SCN3A: variants seen among roughly 807,000 people sequenced by gnomAD.
The protein encoded by SCN3A is sodium voltage-gated channel alpha subunit 3.
A neutral mutation model predicts 187.6 loss-of-function variants in SCN3A; 60 were observed. The ratio of observed to expected loss-of-function variants is 0.32; its 90% CI spans 0.26 to 0.40. The LOEUF (loss-of-function observed/expected upper bound fraction) is 0.40, where lower values mean the gene tolerates loss of function less well. SCN3A is among the 10% of genes least tolerant of loss of function. SCN3A has a pLI of 1.00. For synonymous variants in SCN3A, 788 were observed against 829.2 expected (o/e 0.95, Z 0.85); for missense variants, 1,601 against 2,428.2 (o/e 0.66, Z 7.16).
At chr2:165,186,292 A>AACAAC (rs1290655354) in intron 2 of SCN3A, among the ~76,000 whole-genome samples, 1 of 146,300 alleles carries the variant, frequency 6.8e-6, no homozygotes, top group African/African-American at 2.5e-5. Flanking sequence ...ACAACAACAA[A>AACAAC]AAAACAAAAA....
chr2:165,170,397 A>G, intron 4 of SCN3A, 33 bp downstream of exon 4: 5 of 1,200,152 alleles, frequency 4.2e-6, no homozygotes, highest in Non-Finnish European at 6.2e-6. Context: ...ACTGTTAGAA[A>G]TAGCATTTAG....
chr2:165,178,323 C>G (rs932610470), intron 2 of SCN3A, among the ~76,000 whole-genome samples: 5 of 152,038 alleles, frequency 3.3e-5, no homozygotes, highest in Non-Finnish European at 5.9e-5. Context: ...AACTCCCGGG[C>G]TCAGGTGATC....
intron 19 of SCN3A, 131 bp downstream of exon 19, chr2:165,115,324 C>T: frequency 1.8e-6 from 2 of 1,101,718 alleles, no homozygotes. Context: ...ACCGTAGCCT[C>T]CCAAAATTTT....
chr2:165,095,936 T>C (rs1420769447), intron 24 of SCN3A, among the ~76,000 whole-genome samples: 2 of 152,198 alleles, frequency 1.3e-5, no homozygotes, highest in African/African-American at 4.8e-5. Context: ...CTATTATTAG[T>C]CATAATTTTT....
intron 14 of SCN3A, among the ~76,000 whole-genome samples, chr2:165,139,207 G>C (rs1687849226): frequency 6.6e-6 from 1 of 152,090 alleles, no homozygotes; most frequent in Non-Finnish European, 1.5e-5. Context: ...TTGCATATGA[G>C]TAACATAACA....
In SCN3A at chr2:165,092,186, T is replaced by C; in HGVS notation, c.4807+68A>G. On this transcript the variant is annotated intron_variant, in intron 27 of 27. Coordinates refer to ENST00000283254, the MANE Select transcript of SCN3A (RefSeq NM_006922.4). The surrounding 1 kb of genome is among the most constrained non-coding windows in gnomAD (Gnocchi z 4.2). Reference sequence around the variant, plus strand: ...TTCTCAGACCTAATTTCCATGTTAATCAGCTAGAAGGTCCTGGGGCAACTG... The same window carrying C: ...TTCTCAGACCTAATTTCCATGTTAACCAGCTAGAAGGTCCTGGGGCAACTG... 1 of 1,444,750 alleles carries C rather than the reference T, an allele frequency of 6.9e-7. No homozygotes were observed. Among genetic ancestry groups the C allele is most frequent in the Admixed American group, 1.7e-5 (1 of 59,736 alleles). The allele number at this position is 1,444,750 out of a possible 1,614,324, so 89.5% of individuals were successfully genotyped here.
intron 18 of SCN3A, among the ~76,000 whole-genome samples, chr2:165,118,956 G>A (rs772138924): frequency 6.6e-6 from 1 of 151,906 alleles, no homozygotes; most frequent in Non-Finnish European, 1.5e-5. Flanking sequence ...TAGAGACGGG[G>A]TTTCACCATG....
Position 165,141,004 on chromosome 2 carries a change from G to A in SCN3A, c.1672-6C>T, listed in dbSNP as rs1034503044. On this transcript the variant is annotated splice_polypyrimidine_tract_variant and splice_region_variant and intron_variant, in intron 12 of 27. Transcript: ENST00000283254. ...CCACGGATACTCAAGAGAGACTGCA[G>A]AGAAAGCAAAAAGGAAAGGAATGGG... 3.1e-6 allele frequency: 5 copies of A among 1,606,794 alleles called. No individual in the cohort carries two copies. Among genetic ancestry groups the A allele is most frequent in the Admixed American group, 1.7e-5 (1 of 59,526 alleles).
At chr2:165,194,196 G>A (rs1033749445) in intron 1 of SCN3A, among the ~76,000 whole-genome samples, 2 of 152,156 alleles carry the variant, frequency 1.3e-5, no homozygotes, top group South Asian at 2.1e-4. Context: ...GCTGTCACTT[G>A]TGTGATATAT....
intron 2 of SCN3A, among the ~76,000 whole-genome samples, chr2:165,180,547 A>G (rs2105936514): frequency 6.6e-6 from 1 of 152,086 alleles, no homozygotes; most frequent in South Asian, 2.1e-4. Flanking sequence ...TGGTAGGAAG[A>G]CACATCAGTA....
At chr2:165,104,179 G>A (rs1685740702) in intron 21 of SCN3A, among the ~76,000 whole-genome samples, 2 of 151,854 alleles carry the variant, frequency 1.3e-5, no homozygotes, top group African/African-American at 2.4e-5. Context: ...TTCAGAAAAA[G>A]TAAAAGTATA....
At chr2:165,195,197 C>T (rs1281603570) in intron 1 of SCN3A, 1 of 152,046 alleles carries the variant, frequency 6.6e-6, no homozygotes, top group African/African-American at 2.4e-5. Flanking sequence ...GATAGAGGAC[C>T]TGGTAAGTAA....
rs1404213254 is a variant in SCN3A, at chr2:165,090,015, G to T, written c.*135C>A. On this transcript the variant is annotated 3_prime_UTR_variant, in exon 28 of 28. Coordinates refer to ENST00000283254, the MANE Select transcript of SCN3A (RefSeq NM_006922.4). The surrounding 1 kb of genome is among the most constrained non-coding windows in gnomAD (Gnocchi z 4.0). Reference sequence around the variant, plus strand: ...GACAGAGAGGTCACTTCACTGTCTTGTATAGGCACTGACTATGAGTATTTG... The same window carrying T: ...GACAGAGAGGTCACTTCACTGTCTTTTATAGGCACTGACTATGAGTATTTG... 24 of 1,244,568 alleles carry T rather than the reference G, an allele frequency of 1.9e-5. No homozygotes were observed. The highest frequency in any genetic ancestry group is 2.7e-5 in the Non-Finnish European group (24 of 899,276). The allele number at this position is 1,244,568 out of a possible 1,614,324, so 77.1% of individuals were successfully genotyped here.
intron 12 of SCN3A, among the ~76,000 whole-genome samples, chr2:165,143,506 C>T (rs1367133861): frequency 2.0e-5 from 3 of 152,040 alleles, no homozygotes; most frequent in Admixed American, 6.6e-5. Flanking sequence ...TGGGTGTGAG[C>T]GCAGCTTTCA....
chr2:165,143,084 G>A (rs1477249234), intron 12 of SCN3A, among the ~76,000 whole-genome samples: 1 of 151,986 alleles, frequency 6.6e-6, no homozygotes, highest in African/African-American at 2.4e-5. Flanking sequence ...TTGAGTGTAT[G>A]TGAATCACTC....
chr2:165,155,875 T>G lies in SCN3A; in HGVS notation c.1060A>C (p.Lys354Gln), dbSNP rs1553535457. ...GQCPEGYICV[K>Q]AGRNPNYGYT... ...CCATAGTTGGGGTTTCGACCAGCCTTCACACAGATGTATCCTTCTGGACAC... is the reference window on the plus strand; with the variant it reads ...CCATAGTTGGGGTTTCGACCAGCCTGCACACAGATGTATCCTTCTGGACAC... Residue 354 changes from lysine to glutamine, a missense_variant, in exon 10 of 28, where the codon AAG becomes CAG. By Grantham distance (53) the Lys-to-Gln change is moderately conservative. Transcript: ENST00000283254. 6.2e-7 allele frequency: 1 copy of G among 1,614,130 alleles called. No homozygotes were observed. Among genetic ancestry groups the G allele is most frequent in the Non-Finnish European group, 8.5e-7 (1 of 1,180,004 alleles).
intron 12 of SCN3A, among the ~76,000 whole-genome samples, chr2:165,143,112 T>A (rs1317905837): frequency 2.0e-5 from 3 of 152,094 alleles, no homozygotes; most frequent in Non-Finnish European, 2.9e-5. Flanking sequence ...TAAAAATATA[T>A]ATTTTTAGGT....
At position 165,109,876 on chromosome 2, in the gene SCN3A, C is replaced by T. The variant is rs531631112; in HGVS notation, c.3843+3009G>A. ...ATGGCCACTGTGTACTTTTTGAGTTCGGTTTCTACCACTCTCACTCATGTT... is the reference window on the plus strand; with the variant it reads ...ATGGCCACTGTGTACTTTTTGAGTTTGGTTTCTACCACTCTCACTCATGTT... On this transcript the variant is annotated intron_variant, in intron 21 of 27. Transcript: ENST00000283254. Among the ~76,000 whole-genome samples the T allele has an allele frequency of 8.5e-5, 13 of 152,204 alleles. No homozygotes were observed. In the East Asian group the frequency reaches 2.5e-3, roughly 29 times the overall value.
Position 165,139,565 on chromosome 2 carries a change from G to C in SCN3A, c.2063C>G (p.Ser688Cys). The change falls in exon 14 of 28, where the codon TCT becomes TGT. Residue 688 changes from serine (S) to cysteine (C), a missense_variant. By Grantham distance (112) the Ser-to-Cys change is moderately radical. This residue lies in a region of SCN3A where 376 missense variants were observed against 476.0 expected (regional missense o/e 0.79). Coordinates refer to ENST00000283254, the MANE Select transcript of SCN3A (RefSeq NM_006922.4). ...ETEVRKRRLSSYQISMEMLED... is the reference protein window; with the variant it reads ...ETEVRKRRLSCYQISMEMLED... ...CAGCATCTCCATTGAAATCTGGTAA[G>C]AGCTTAACCTTCTCTTTCTGACTTC... 1 of 1,613,914 alleles carries C rather than the reference G, an allele frequency of 6.2e-7. No individual in the cohort carries two copies. The highest frequency in any genetic ancestry group is 8.5e-7 in the Non-Finnish European group (1 of 1,179,892).
Sources: allele counts gnomAD v4.1 joint callset (sites outside exome capture counted in the v4.1 genomes callset), GRCh38; gene constraint gnomAD v4.1.1; regional missense constraint gnomAD v4.1.1; non-coding constraint Gnocchi (gnomAD v3.1); transcripts MANE v1.5; gene names NCBI Gene and HGNC (gene_info 2026-07-23, HGNC 2026-07-21).